The following FAM222B variants were observed in gnomAD, a reference collection of about 807,000 sequenced individuals.
FAM222B encodes the protein protein FAM222B.
FAM222B carries 12 observed loss-of-function variants against 38.0 expected under a neutral mutation model. The observed-to-expected ratio is 0.32, with a 90% CI of 0.20 to 0.51. The LOEUF is 0.51. FAM222B is among the 20% of genes least tolerant of loss of function. The pLI is 0.97. For missense variants in FAM222B, 716 were observed against 754.2 expected (o/e 0.95, Z 0.59); for synonymous variants, 329 against 317.2 (o/e 1.04, Z -0.40).
chr17:28,794,040 C>G (rs1039829740), intron 1 of FAM222B, among the ~76,000 whole-genome samples: 1 of 151,888 alleles, frequency 6.6e-6, no homozygotes, highest in Non-Finnish European at 1.5e-5. Context: ...TAAGCCACGG[C>G]TCCCGGCTCA....
chr17:28,834,438 T>TA (rs147732152), intron 1 of FAM222B: 54 of 152,304 alleles, frequency 3.5e-4, no homozygotes, highest in African/African-American at 1.2e-3. Flanking sequence ...CCTGCCACAT[T>TA]AAACTAGTCC....
intron 1 of FAM222B, among the ~76,000 whole-genome samples, chr17:28,769,935 C>A (rs2035542691): frequency 6.6e-6 from 1 of 152,166 alleles, no homozygotes; most frequent in Non-Finnish European, 1.5e-5. Context: ...TTAAATGTCA[C>A]TTCTTAAGGG....
intron 2 of FAM222B, among the ~76,000 whole-genome samples, chr17:28,761,773 A>G (rs2035084088): frequency 6.6e-6 from 1 of 152,180 alleles, no homozygotes; most frequent in African/African-American, 2.4e-5. Context: ...GCTTTCAAAT[A>G]CTGGCAAAAA....
chr17:28,826,333 G>A (rs2038439060), intron 1 of FAM222B, among the ~76,000 whole-genome samples: 1 of 151,036 alleles, frequency 6.6e-6, no homozygotes, highest in African/African-American at 2.4e-5. Context: ...GCCTCCTAAA[G>A]TGCTGGGTTT....
chr17:28,771,148 TA>T (rs1231434438), intron 1 of FAM222B, among the ~76,000 whole-genome samples: 1 of 151,904 alleles, frequency 6.6e-6, no homozygotes, highest in Non-Finnish European at 1.5e-5. Flanking sequence ...GAAGGCTTTA[TA>T]AAAGAACAGG....
At chr17:28,852,095 C>T (rs925322504) in intron 1 of FAM222B, among the ~76,000 whole-genome samples, 7 of 151,814 alleles carry the variant, frequency 4.6e-5, no homozygotes, top group African/African-American at 1.7e-4. Flanking sequence ...TGGCCTGGCG[C>T]GGTGGCTCAC....
intron 1 of FAM222B, among the ~76,000 whole-genome samples, chr17:28,776,791 T>A (rs1245183743): frequency 6.6e-6 from 1 of 152,066 alleles, no homozygotes; most frequent in Admixed American, 6.6e-5. Context: ...GGGAAAGTTT[T>A]ATCCTACACT....
At chr17:28,778,637 G>T (rs2036004664) in intron 1 of FAM222B, among the ~76,000 whole-genome samples, 1 of 140,006 alleles carries the variant, frequency 7.1e-6, no homozygotes, top group Admixed American at 7.4e-5. Flanking sequence ...CTGAGTAGCT[G>T]GGACTACAGG....
At chr17:28,810,767 A>G (rs946807398) in intron 1 of FAM222B, among the ~76,000 whole-genome samples, 7 of 152,370 alleles carry the variant, frequency 4.6e-5, no homozygotes, top group Non-Finnish European at 1.0e-4. Flanking sequence ...CTTTTTAAAA[A>G]AGGTAAAGTA....
At chr17:28,767,528 T>C (rs981518390) in intron 1 of FAM222B, among the ~76,000 whole-genome samples, 1 of 151,764 alleles carries the variant, frequency 6.6e-6, no homozygotes, top group African/African-American at 2.4e-5. Flanking sequence ...TAGGCTGGAG[T>C]GCAGTGGTAC....
chr17:28,820,950 C>CTTTTTTTTTTTTTTTT, intron 1 of FAM222B, among the ~76,000 whole-genome samples: 1 of 144,304 alleles, frequency 6.9e-6, no homozygotes, highest in African/African-American at 2.5e-5. Context: ...TGGTAAAACT[C>CTTTTTTTTTTTTTTTT]TTTTTATTTT....
intron 1 of FAM222B, among the ~76,000 whole-genome samples, chr17:28,803,366 TGG>T (rs1477618567): frequency 6.6e-6 from 1 of 152,088 alleles, no homozygotes; most frequent in Non-Finnish European, 1.5e-5. Flanking sequence ...TCTCACTACT[TGG>T]GATAGCAGCT....
intron 1 of FAM222B, among the ~76,000 whole-genome samples, chr17:28,774,567 TA>T (rs746805988): frequency 5.8e-4 from 89 of 152,286 alleles, no homozygotes; most frequent in Non-Finnish European, 1.1e-3. Context: ...CCTTTTTCCC[TA>T]CTGGAAAATT....
At chr17:28,761,344 T>A (rs888919814) in intron 2 of FAM222B, among the ~76,000 whole-genome samples, 3 of 152,216 alleles carry the variant, frequency 2.0e-5, no homozygotes, top group African/African-American at 7.2e-5. Context: ...AGGTGCCTAA[T>A]AAATGCTTGC....
intron 2 of FAM222B, among the ~76,000 whole-genome samples, chr17:28,764,289 AAAAAAG>A (rs1567795143): frequency 2.0e-5 from 3 of 151,016 alleles, no homozygotes; most frequent in African/African-American, 7.3e-5. Flanking sequence ...AAAAAAAAAA[AAAAAAG>A]GGCCGGGCAT....
At chr17:28,852,968 C>T (rs1196845189) in intron 1 of FAM222B, among the ~76,000 whole-genome samples, 7 of 151,874 alleles carry the variant, frequency 4.6e-5, no homozygotes. Context: ...TTGAGGTGGG[C>T]GGATCACCTG....
chr17:28,758,436 T>C lies in FAM222B; in HGVS notation c.1523A>G (p.Asn508Ser), dbSNP rs1180145150. The change falls in exon 3 of 3, where the codon AAC (asparagine) becomes AGC (serine). Residue 508 changes from asparagine (N) to serine (S), a missense_variant. By Grantham distance (46) the Asn-to-Ser change is conservative (BLOSUM62 1). Transcript: ENST00000581407. The part of the protein sequence containing the change: ...GTGGGPVASQ[N>S]SLMQTVDYLS... ...GTAATCCACTGTTTGCATCAAGCTG[T>C]TCTGGCTTGCCACTGGACCGCCCCC... 1 of 1,613,800 alleles carries C rather than the reference T, an allele frequency of 6.2e-7. No individual in the cohort carries two copies. The highest frequency in any genetic ancestry group is 1.7e-5 in the Admixed American group (1 of 59,982).
intron 1 of FAM222B, among the ~76,000 whole-genome samples, chr17:28,808,341 C>G (rs1218637753): frequency 6.6e-6 from 1 of 152,168 alleles, no homozygotes; most frequent in Non-Finnish European, 1.5e-5. Flanking sequence ...AAGAGAGAAC[C>G]ATACATCATT....
chr17:28,820,386 A>C (rs2038166839), intron 1 of FAM222B, among the ~76,000 whole-genome samples: 1 of 152,194 alleles, frequency 6.6e-6, no homozygotes, highest in Non-Finnish European at 1.5e-5. Flanking sequence ...AAATGGTACC[A>C]TGTCACTCTT....
Sources: allele counts gnomAD v4.1 joint callset (sites outside exome capture counted in the v4.1 genomes callset), GRCh38; gene constraint gnomAD v4.1.1; transcripts MANE v1.5; gene names NCBI Gene and HGNC (gene_info 2026-07-23, HGNC 2026-07-21).